The following CCDC138 variants were observed in gnomAD, a reference collection of about 807,000 sequenced individuals.
The protein encoded by CCDC138 is coiled-coil domain-containing protein 138.
A neutral mutation model predicts 82.3 loss-of-function variants in CCDC138; 66 were observed. The observed-to-expected ratio is 0.80, with a 90% CI of 0.66 to 0.98. The LOEUF (loss-of-function observed/expected upper bound fraction) is 0.98, where lower values mean the gene tolerates loss of function less well. CCDC138 is among the 50% of genes least tolerant of loss of function. The pLI is 0.00. For synonymous variants in CCDC138, 297 were observed against 265.4 expected, an observed-to-expected ratio of 1.12 and a Z score of -1.16; for missense variants, 816 against 758.9, an observed-to-expected ratio of 1.08 and a Z score of -0.88.
Position 108,854,056 on chromosome 2 carries a change from T to A in CCDC138, c.1517-2738T>A, listed in dbSNP as rs1422347817. Among the ~76,000 whole-genome samples the A allele has an allele frequency of 4.5e-5, 4 of 89,242 alleles. No individual in the cohort carries two copies. In the East Asian group the frequency reaches 1.2e-3, roughly 27 times the overall value. 58.5% of individuals were successfully genotyped at this position (89,242 alleles called of 152,430 possible). On this transcript the variant is annotated intron_variant, in intron 12 of 14. Transcript: ENST00000295124. Reference sequence around the variant, plus strand: ...ATATATAATATATAATAAATTTATATTATATATATTTTATATATAATATAA... The same window carrying A: ...ATATATAATATATAATAAATTTATAATATATATATTTTATATATAATATAA...
intron 13 of CCDC138, among the ~76,000 whole-genome samples, chr2:108,871,214 G>T (rs890292806): frequency 6.6e-6 from 1 of 151,734 alleles, no homozygotes; most frequent in South Asian, 2.1e-4. Flanking sequence ...AAAATAAAAT[G>T]GATTAGAGTC....
At chr2:108,844,129 G>C (rs746734212) in intron 11 of CCDC138, among the ~76,000 whole-genome samples, 1 of 151,832 alleles carries the variant, frequency 6.6e-6, no homozygotes, top group African/African-American at 2.4e-5. Context: ...CCAAAGTGCC[G>C]GGAGTGCAAC....
At chr2:108,832,691 T>C (rs1687912259) in intron 10 of CCDC138, among the ~76,000 whole-genome samples, 1 of 152,210 alleles carries the variant, frequency 6.6e-6, no homozygotes, top group South Asian at 2.1e-4. Context: ...AGAAAATATA[T>C]GGAAAAGCCT....
At chr2:108,852,006 G>A (rs1454793464) in intron 12 of CCDC138, among the ~76,000 whole-genome samples, 1 of 152,138 alleles carries the variant, frequency 6.6e-6, no homozygotes, top group Non-Finnish European at 1.5e-5. Context: ...ACCTTCTTAA[G>A]CCTATTTTAT....
chr2:108,847,810 T>C (rs1170835631), intron 12 of CCDC138, among the ~76,000 whole-genome samples: 1 of 152,214 alleles, frequency 6.6e-6, no homozygotes, highest in Non-Finnish European at 1.5e-5. Flanking sequence ...TTACTCCCGA[T>C]GGTATGGAAT....
At chr2:108,849,300 TA>T (rs1192945423) in intron 12 of CCDC138, among the ~76,000 whole-genome samples, 1 of 152,192 alleles carries the variant, frequency 6.6e-6, no homozygotes, top group African/African-American at 2.4e-5. Flanking sequence ...TTTCAAGACA[TA>T]ATGGCTCCAA....
At chr2:108,837,760 C>T (rs533794291) in intron 10 of CCDC138, among the ~76,000 whole-genome samples, 2 of 152,140 alleles carry the variant, frequency 1.3e-5, no homozygotes, top group Non-Finnish European at 2.9e-5. Flanking sequence ...GAGTGTATCT[C>T]TGTCATTAAC....
rs957832994 is a variant in CCDC138, at chr2:108,788,752, G to T, written c.152-100G>T. 4.8e-6 allele frequency: 7 copies of T among 1,467,524 alleles called. No homozygotes were observed. In the East Asian group the frequency reaches 1.5e-4, roughly 31 times the overall value. The allele number at this position is 1,467,524 out of a possible 1,614,324, so 90.9% of individuals were successfully genotyped here. On this transcript the variant is annotated intron_variant, in intron 2 of 14. Transcript: ENST00000295124. ...AAAAAAGAAAAAAAAATTTGAGAGA[G>T]AAGATTTTAAAAATAGTATTATTTA...
At chr2:108,874,796 G>C (rs1284876268) in intron 14 of CCDC138, among the ~76,000 whole-genome samples, 1 of 152,080 alleles carries the variant, frequency 6.6e-6, no homozygotes, top group Non-Finnish European at 1.5e-5. Context: ...TTTTCTTGCA[G>C]ACTATACCGT....
chr2:108,874,763 A>C (rs1156733622), intron 14 of CCDC138, among the ~76,000 whole-genome samples: 1 of 152,122 alleles, frequency 6.6e-6, no homozygotes, highest in Non-Finnish European at 1.5e-5. Context: ...ACTAGCGCTG[A>C]ATTTATCAAT....
At chr2:108,809,800 GT>G (rs1683490214) in intron 7 of CCDC138, among the ~76,000 whole-genome samples, 1 of 16,970 alleles carries the variant, frequency 5.9e-5, no homozygotes, top group East Asian at 9.3e-3. Context: ...TCCAATTTTT[GT>G]TTGTTTGTTT....
chr2:108,827,113 T>G (rs1157924078), intron 10 of CCDC138, among the ~76,000 whole-genome samples: 1 of 152,160 alleles, frequency 6.6e-6, no homozygotes, highest in Non-Finnish European at 1.5e-5. Context: ...GTCACCTCTA[T>G]TATTTAACAT....
chr2:108,878,614 A>G (rs1156500679), downstream of CCDC138, among the ~76,000 whole-genome samples: 3 of 152,240 alleles, frequency 2.0e-5, no homozygotes, highest in Admixed American at 2.0e-4. Flanking sequence ...GCTCTGCAGT[A>G]GTAGGGTGGT....
chr2:108,813,256 A>AAAAC (rs1423241163), intron 9 of CCDC138, among the ~76,000 whole-genome samples: 1 of 150,024 alleles, frequency 6.7e-6, no homozygotes, highest in East Asian at 1.9e-4. Flanking sequence ...CTCAAAAAAA[A>AAAAC]AAAAAAAAAA....
chr2:108,795,234 G>A (rs144341651), intron 5 of CCDC138, among the ~76,000 whole-genome samples: 152 of 140,946 alleles, frequency 1.1e-3, no homozygotes, highest in African/African-American at 3.7e-3. Flanking sequence ...GGCTCACTGC[G>A]GCCTCCGCCT....
At chr2:108,813,800 T>C (rs1200888384) in intron 9 of CCDC138, among the ~76,000 whole-genome samples, 1 of 152,230 alleles carries the variant, frequency 6.6e-6, no homozygotes, top group Non-Finnish European at 1.5e-5. Flanking sequence ...GGTCATTCTT[T>C]TCTGCCAGAA....
chr2:108,851,582 C>T (rs192202968), intron 12 of CCDC138, among the ~76,000 whole-genome samples: 132 of 152,042 alleles, frequency 8.7e-4, no homozygotes, highest in African/African-American at 3.0e-3. Flanking sequence ...ATATTACAGG[C>T]GTGAGCCACC....
chr2:108,793,874 T>A (rs981573343), intron 4 of CCDC138, among the ~76,000 whole-genome samples: 4 of 151,998 alleles, frequency 2.6e-5, no homozygotes, highest in Non-Finnish European at 5.9e-5. Flanking sequence ...AGTGCTGGGA[T>A]TATAGGCGTG....
At chr2:108,817,234 CT>C (rs1430072394) in intron 10 of CCDC138, among the ~76,000 whole-genome samples, 2 of 152,066 alleles carry the variant, frequency 1.3e-5, no homozygotes, top group Non-Finnish European at 2.9e-5. Flanking sequence ...ACTCAACCCC[CT>C]CTTGCTGGCT....
Sources: allele counts gnomAD v4.1 joint callset (sites outside exome capture counted in the v4.1 genomes callset), GRCh38; gene constraint gnomAD v4.1.1; transcripts MANE v1.5; gene names NCBI Gene and HGNC (gene_info 2026-07-23, HGNC 2026-07-21).